Variants in HERC6 observed in about 807,000 individuals in gnomAD.
The protein encoded by HERC6 is HECT and RLD domain containing E3 ubiquitin protein ligase family member 6.
A neutral mutation model predicts 114.5 loss-of-function variants in HERC6; 101 were observed. That is an observed-to-expected ratio of 0.88 (90% CI 0.75 to 1.04). HERC6 has a LOEUF of 1.04. Among genes scored for constraint, HERC6 ranks in the 50% least tolerant of loss-of-function variants. The pLI, the probability that HERC6 is intolerant of heterozygous loss-of-function variation, is 0.00. For synonymous variants in HERC6, 408 were observed against 436.2 expected (o/e 0.94, Z 0.81); for missense variants, 1,133 against 1,230.9 (o/e 0.92, Z 1.19).
intron 7 of HERC6, among the ~76,000 whole-genome samples, chr4:88,397,381 G>C (rs557340567): frequency 4.8e-4 from 73 of 151,896 alleles, no homozygotes; most frequent in African/African-American, 1.6e-3. Context: ...TAAAGTGCTG[G>C]GATTACAGGC....
At chr4:88,415,546 C>T (rs1736400939) in intron 12 of HERC6, among the ~76,000 whole-genome samples, 1 of 152,190 alleles carries the variant, frequency 6.6e-6, no homozygotes, top group Non-Finnish European at 1.5e-5. Flanking sequence ...AAGGATGTAT[C>T]AATTTACACT....
intron 4 of HERC6, among the ~76,000 whole-genome samples, chr4:88,391,456 T>C (rs1052609944): frequency 2.0e-5 from 3 of 152,242 alleles, no homozygotes; most frequent in African/African-American, 7.2e-5. Context: ...GCCATGTAAC[T>C]TAACATATTT....
At position 88,405,598 on chromosome 4, in the gene HERC6, G is replaced by A. The variant is rs776059810; in HGVS notation, c.1259G>A (p.Ser420Asn). The stretch of plus-strand genomic sequence containing the variant: ...TCATCTCCTGCTTGTCTGACTGCAA[G>A]TTTTTTAAAGAAAAGGTAATACTTA... ...IFSSPACLTA[S>N]FLKKRGTGET... Residue 420 changes from serine to asparagine, a missense_variant, in exon 10 of 23, where the codon AGT becomes AAT. Physicochemically the swap from Ser to Asn is conservative, Grantham distance 46. This residue lies in a region of HERC6 where 735 missense variants were observed against 754.0 expected (regional missense o/e 0.97). Transcript: ENST00000264346. The A allele has an allele frequency of 6.5e-7, 1 of 1,530,634 alleles. No homozygotes were observed. Among genetic ancestry groups the A allele is most frequent in the Middle Eastern group, 1.7e-4 (1 of 5,774 alleles). 94.8% of individuals were successfully genotyped at this position (1,530,634 alleles called of 1,614,324 possible).
rs1735751718 is a variant in HERC6 at position 88,404,998 on chromosome 4, G to GTGGC, written c.1214+3_1214+6dup. ...GTACTGAACATGAAATGGCTAAAAG[G>GTGGC]TGGCTCTGTCTGATAAATTATAAGC... On this transcript the variant is annotated splice_donor_variant, in intron 9 of 22. Coordinates refer to ENST00000264346, the MANE Select transcript of HERC6 (RefSeq NM_017912.4). LOFTEE classifies it high-confidence loss of function. The GTGGC allele has an allele frequency of 6.2e-7, 1 of 1,612,624 alleles. No homozygotes were observed. Among genetic ancestry groups the GTGGC allele is most frequent in the Non-Finnish European group, 8.5e-7 (1 of 1,179,218 alleles).
At chr4:88,412,899 T>C (rs1736198423) in intron 11 of HERC6, among the ~76,000 whole-genome samples, 178 bp from the exon 12 acceptor site, 1 of 152,216 alleles carries the variant, frequency 6.6e-6, no homozygotes, top group Non-Finnish European at 1.5e-5. Context: ...ATGTACTATA[T>C]CAGGGGTATT....
In HERC6 at chr4:88,439,838, CTTTCT is replaced by C. The variant is rs1403930443; in HGVS notation, c.2556-32_2556-28del. 221 of 1,284,476 alleles carry C rather than the reference CTTTCT, an allele frequency of 1.7e-4. 1 individual carries two copies. The highest frequency in any genetic ancestry group is 2.1e-4 in the Non-Finnish European group (206 of 975,878). 79.6% of individuals were successfully genotyped at this position (1,284,476 alleles called of 1,614,324 possible). On this transcript the variant is annotated intron_variant, in intron 20 of 22. Coordinates refer to ENST00000264346, the MANE Select transcript of HERC6 (RefSeq NM_017912.4). ...CTTTTAATCATTGGCCTTTTCCTTC[CTTTCT>C]TTTTTTTTTTTTTTTTTTGCTTCCC...
At chr4:88,438,632 G>T (rs991667096) in intron 20 of HERC6, among the ~76,000 whole-genome samples, 1 of 152,162 alleles carries the variant, frequency 6.6e-6, no homozygotes, top group Non-Finnish European at 1.5e-5. Flanking sequence ...GGAGTTCCAG[G>T]TGGTGGTATG....
At chr4:88,405,277 AT>A (rs1735765154) in intron 9 of HERC6, among the ~76,000 whole-genome samples, 1 of 152,174 alleles carries the variant, frequency 6.6e-6, no homozygotes, top group Non-Finnish European at 1.5e-5. Flanking sequence ...TCATATCTTC[AT>A]AGTTTACCCC....
At chr4:88,398,065 A>C (rs1735339259) in intron 7 of HERC6, 77 bp from the exon 8 acceptor site, 1 of 870,716 alleles carries the variant, frequency 1.1e-6, no homozygotes, top group Non-Finnish European at 1.7e-6. Flanking sequence ...TAAGTAAATA[A>C]ATTTTTGGCT....
At chr4:88,428,375 C>A (rs1243254099) in intron 15 of HERC6, among the ~76,000 whole-genome samples, 1 of 152,136 alleles carries the variant, frequency 6.6e-6, no homozygotes, top group Non-Finnish European at 1.5e-5. Context: ...TCCTAGGTAA[C>A]CATAGTTTCT....
chr4:88,423,987 T>G lies in HERC6; in HGVS notation c.1827+14T>G. ...GATAACCACCTGGTAAGAATAACAT[T>G]TTTACTTCTGAAAATGTTCATATTT... On this transcript the variant is annotated intron_variant, in intron 14 of 22. Coordinates refer to ENST00000264346, the MANE Select transcript of HERC6 (RefSeq NM_017912.4). 1.7e-6 allele frequency: 2 copies of G among 1,196,552 alleles called. No individual in the cohort carries two copies. The highest frequency in any genetic ancestry group is 3.1e-5 in the African/African-American group (2 of 63,738). The allele number at this position is 1,196,552 out of a possible 1,614,324, so 74.1% of individuals were successfully genotyped here. A position where few individuals can be genotyped will look rare whatever the true frequency, so the allele number is the denominator to read the frequency against.
At chr4:88,381,027 C>T (rs1734288346) in intron 1 of HERC6, among the ~76,000 whole-genome samples, 1 of 151,988 alleles carries the variant, frequency 6.6e-6, no homozygotes, top group African/African-American at 2.4e-5. Flanking sequence ...TTTTAAATTG[C>T]TGCATAACAT....
intron 1 of HERC6, among the ~76,000 whole-genome samples, chr4:88,379,929 T>A (rs778983604): frequency 2.1e-4 from 2 of 9,622 alleles, no homozygotes; most frequent in Non-Finnish European, 2.9e-4. Context: ...ATATATATAA[T>A]ATATAAATAT....
rs781735386 is a variant in HERC6, at chr4:88,408,535, A to G, written c.1286A>G (p.Glu429Gly). The change falls in exon 11 of 23, where the codon GAA becomes GGA. Residue 429 changes from glutamate to glycine, a missense_variant. Coordinates refer to ENST00000264346, the MANE Select transcript of HERC6 (RefSeq NM_017912.4). ...TCTTGTATCCAAAGAGGAACTGGAGAAACGACTTCCATTGATGTGGACTTA... is the reference window on the plus strand; with the variant it reads ...TCTTGTATCCAAAGAGGAACTGGAGGAACGACTTCCATTGATGTGGACTTA... ...ASFLKKRGTG[E>G]TTSIDVDLEM... is the part of the protein sequence containing the mutation. 15 of 1,596,464 alleles carry G rather than the reference A, an allele frequency of 9.4e-6. No individual in the cohort carries two copies. Among genetic ancestry groups the G allele is most frequent in the Non-Finnish European group, 1.2e-5 (14 of 1,170,170 alleles).
At chr4:88,421,979 T>C (rs1478290360) in intron 13 of HERC6, among the ~76,000 whole-genome samples, 1 of 152,232 alleles carries the variant, frequency 6.6e-6, no homozygotes, top group East Asian at 1.9e-4. Context: ...TATTGAGTCA[T>C]AAGAGTTCTT....
Position 88,395,943 on chromosome 4 carries a change from G to A in HERC6, c.760-72G>A, listed in dbSNP as rs982600678. ...AGTGCTCCCGTATTAACTCTTGTATGACACTTAATCAGTAAGCTTTTAGTT... is the reference window on the plus strand; with the variant it reads ...AGTGCTCCCGTATTAACTCTTGTATAACACTTAATCAGTAAGCTTTTAGTT... On this transcript the variant is annotated intron_variant, in intron 5 of 22. Coordinates refer to ENST00000264346, the MANE Select transcript of HERC6 (RefSeq NM_017912.4). 10 of 1,389,686 alleles carry A rather than the reference G, an allele frequency of 7.2e-6. No individual in the cohort carries two copies. The African/African-American group carries it at 1.2e-4, about 16-fold the overall frequency. The allele number at this position is 1,389,686 out of a possible 1,614,324, so 86.1% of individuals were successfully genotyped here.
chr4:88,435,609 T>G (rs1352318263), intron 17 of HERC6, 116 bp from the exon 18 acceptor site: 1 of 567,926 alleles, frequency 1.8e-6, no homozygotes, highest in African/African-American at 1.9e-5. Context: ...AAGCCCATTT[T>G]GTTTTTAATT....
rs896031586 is a variant in HERC6 at position 88,379,172 on chromosome 4, G to A, written c.199+52G>A. On this transcript the variant is annotated intron_variant, in intron 1 of 22. Coordinates refer to ENST00000264346, the MANE Select transcript of HERC6 (RefSeq NM_017912.4). Reference sequence around the variant, plus strand: ...TGTGAGGACCCCAGTACATGGGCGCGGGGGCTTGGGTACCGGGCGCAGGGA... The same window carrying A: ...TGTGAGGACCCCAGTACATGGGCGCAGGGGCTTGGGTACCGGGCGCAGGGA... The A allele has an allele frequency of 3.5e-5, 48 of 1,384,828 alleles. No homozygotes were observed. In the African/African-American group the frequency reaches 6.6e-4, roughly 19 times the overall value. The allele number at this position is 1,384,828 out of a possible 1,614,324, so 85.8% of individuals were successfully genotyped here. A position where few individuals can be genotyped will look rare whatever the true frequency, so the allele number is the denominator to read the frequency against.
At chr4:88,432,084 C>G (rs900704691) in intron 17 of HERC6, among the ~76,000 whole-genome samples, 4 of 152,156 alleles carry the variant, frequency 2.6e-5, no homozygotes, top group Non-Finnish European at 4.4e-5. Flanking sequence ...AAATTGGAAA[C>G]TTTTTGAGTG....
Sources: allele counts gnomAD v4.1 joint callset (sites outside exome capture counted in the v4.1 genomes callset), GRCh38; gene constraint gnomAD v4.1.1; regional missense constraint gnomAD v4.1.1; transcripts MANE v1.5; gene names NCBI Gene and HGNC (gene_info 2026-07-23, HGNC 2026-07-21).